Variants in FAM178B observed in about 807,000 individuals in gnomAD.
The protein encoded by FAM178B is protein FAM178B.
Under a neutral mutation model 91.7 loss-of-function variants are expected in FAM178B, and 82 were observed. That is an observed-to-expected ratio of 0.89 (90% CI 0.75 to 1.07). The LOEUF (loss-of-function observed/expected upper bound fraction) is 1.07, where lower values mean the gene tolerates loss of function less well. Ranked by LOEUF, FAM178B falls within the 50% of genes least tolerant of loss-of-function variation. The pLI is 0.00. For synonymous variants in FAM178B, 368 were observed against 359.4 expected, an observed-to-expected ratio of 1.02 and a Z score of -0.27; for missense variants, 769 against 846.7, an observed-to-expected ratio of 0.91 and a Z score of 1.14.
intron 6 of FAM178B, among the ~76,000 whole-genome samples, chr2:96,956,385 CG>C (rs1260941124): frequency 6.6e-6 from 1 of 152,146 alleles, no homozygotes; most frequent in East Asian, 1.9e-4. Flanking sequence ...GCAGGCTCCC[CG>C]GGAAGAGGGT....
At chr2:96,957,999 GTTCA>G (rs1445470094) in intron 6 of FAM178B, among the ~76,000 whole-genome samples, 1 of 151,166 alleles carries the variant, frequency 6.6e-6, no homozygotes, top group Non-Finnish European at 1.5e-5. Context: ...TAAAGTATTA[GTTCA>G]TTATTAACAT....
At chr2:96,876,379 G>A in intron 16 of FAM178B, 71 bp from the exon 17 acceptor site, 1 of 1,545,842 alleles carries the variant, frequency 6.5e-7, no homozygotes, top group Non-Finnish European at 8.7e-7. Context: ...CAGCTCCCCG[G>A]GCTGGCGGTG....
intron 1 of FAM178B, among the ~76,000 whole-genome samples, chr2:96,976,184 T>C (rs1300280454): frequency 1.3e-5 from 2 of 151,570 alleles, no homozygotes; most frequent in Admixed American, 6.6e-5. Flanking sequence ...AACCTCCTCC[T>C]CCCAGGTTCA....
At chr2:96,981,740 C>CAAAAAAAA (rs377081384) in intron 1 of FAM178B, among the ~76,000 whole-genome samples, 9 of 18,660 alleles carry the variant, frequency 4.8e-4, no homozygotes, top group African/African-American at 8.8e-4. Flanking sequence ...GACTCCGTCT[C>CAAAAAAAA]AAAAAAAAAA....
chr2:96,973,037 T>C (rs898620798), intron 1 of FAM178B, among the ~76,000 whole-genome samples: 8 of 151,512 alleles, frequency 5.3e-5, no homozygotes, highest in Non-Finnish European at 1.2e-4. Flanking sequence ...AACCCGTCTC[T>C]AGTAAAATAA....
At chr2:96,925,723 A>G (rs2153371282) in intron 9 of FAM178B, among the ~76,000 whole-genome samples, 1 of 152,196 alleles carries the variant, frequency 6.6e-6, no homozygotes, top group Admixed American at 6.5e-5. Flanking sequence ...TGTCTCGGAG[A>G]CACCGTTCAA....
chr2:96,914,881 G>A (rs1033199717), intron 12 of FAM178B, among the ~76,000 whole-genome samples: 2 of 151,914 alleles, frequency 1.3e-5, no homozygotes, highest in African/African-American at 4.8e-5. Flanking sequence ...AAGAGATTCT[G>A]TCAACAACAA....
rs182282796 is a variant in FAM178B at position 96,909,106 on chromosome 2, G to A, written c.1563-6399C>T. 2.3e-3 allele frequency among the ~76,000 whole-genome samples: 328 copies of A among 142,372 alleles called. 15 individuals are homozygous for A. In the East Asian group the frequency reaches 0.043, roughly 19 times the overall value. The allele number at this position is 142,372 out of a possible 152,430, so 93.4% of individuals were successfully genotyped here. ...TGCAGTGAGCCGACATCACGCCACC[G>A]CCCTCCAGCCTGGGCGACAGATCAA... is the stretch of plus-strand genomic sequence containing the variant. On this transcript the variant is annotated intron_variant, in intron 12 of 16. Coordinates refer to ENST00000490605, the MANE Select transcript of FAM178B (RefSeq NM_001122646.3).
At chr2:96,969,048 C>T (rs777115635) in intron 4 of FAM178B, among the ~76,000 whole-genome samples, 19 of 152,290 alleles carry the variant, frequency 1.2e-4, no homozygotes, top group African/African-American at 4.6e-4. Context: ...GAGCCTTTTC[C>T]GACTCCGGGT....
chr2:96,923,174 T>C (rs984159599), intron 10 of FAM178B, among the ~76,000 whole-genome samples: 31 of 152,090 alleles, frequency 2.0e-4, no homozygotes, highest in South Asian at 6.2e-4. Context: ...GGTTTCACCA[T>C]GTTGGTCAGG....
chr2:96,951,359 G>C lies in FAM178B; in HGVS notation c.993+20C>G, dbSNP rs1199673007. ...GACTGCAGCGCTCCCGCCACCTAGT[G>C]GCAGGCCTGCGGTCCTCACCTGGAA... On this transcript the variant is annotated intron_variant, in intron 7 of 16. Coordinates refer to ENST00000490605, the MANE Select transcript of FAM178B (RefSeq NM_001122646.3). The C allele has an allele frequency of 6.5e-7, 1 of 1,530,540 alleles. No individual in the cohort carries two copies. The highest frequency in any genetic ancestry group is 1.4e-5 in the African/African-American group (1 of 72,642). 94.8% of individuals were successfully genotyped at this position (1,530,540 alleles called of 1,614,324 possible). A position where few individuals can be genotyped will look rare whatever the true frequency, so the allele number is the denominator to read the frequency against.
At position 96,953,294 on chromosome 2, in the gene FAM178B, G is replaced by A. The variant is rs367930595; in HGVS notation, c.888-1810C>T. On this transcript the variant is annotated intron_variant, in intron 6 of 16. Transcript: ENST00000490605. ...CAAGAACATGCACAGCAGCCCGAAC[G>A]CAGACAATACCCATGTAAACAATGT... 3.1e-4 allele frequency among the ~76,000 whole-genome samples: 47 copies of A among 152,290 alleles called. No individual in the cohort carries two copies. In the South Asian group the frequency reaches 8.9e-3, roughly 29 times the overall value.
rs1257030044 is a variant in FAM178B, at chr2:96,960,398, C to G, written c.777G>C (p.Pro259=). Residue 259 remains proline (P), a synonymous_variant, in exon 6 of 17, where the codon CCG becomes CCC. Transcript: ENST00000490605. The stretch of plus-strand genomic sequence containing the variant: ...ACACAGTCTCACCTGGATGGACCGG[C>G]GGGATGGTCTGCAGGGACACTGAGT... ...EKYSVSLQTI[P]PVHPGETVFL... is the part of the protein sequence containing the mutation. 2 of 1,551,516 alleles carry G rather than the reference C, an allele frequency of 1.3e-6. No homozygotes were observed. The highest frequency in any genetic ancestry group is 1.7e-6 in the Non-Finnish European group (2 of 1,146,796).
At chr2:96,896,961 G>A (rs2080836393) in intron 13 of FAM178B, among the ~76,000 whole-genome samples, 1 of 152,156 alleles carries the variant, frequency 6.6e-6, no homozygotes. Flanking sequence ...CCACCTCCTG[G>A]GCTCAAGCAA....
intron 14 of FAM178B, among the ~76,000 whole-genome samples, chr2:96,887,689 G>A (rs537504551): frequency 3.3e-5 from 5 of 152,336 alleles, no homozygotes; most frequent in South Asian, 4.1e-4. Flanking sequence ...AGTTTCATAC[G>A]ATGTGACAGG....
At chr2:96,985,866 C>T (rs2082416690) in intron 1 of FAM178B, among the ~76,000 whole-genome samples, 1 of 152,222 alleles carries the variant, frequency 6.6e-6, no homozygotes, top group Non-Finnish European at 1.5e-5. Context: ...ACTCCACATC[C>T]ATCAAACCGG....
chr2:96,923,610 T>C lies in FAM178B; in HGVS notation c.1194-27A>G, dbSNP rs373009285. The stretch of plus-strand genomic sequence containing the variant: ...TGTGGTAAGACAACAACAGTGACGA[T>C]GGGAAACCCAGGAGGGGGCACAGGG... On this transcript the variant is annotated intron_variant, in intron 9 of 16. Coordinates refer to ENST00000490605, the MANE Select transcript of FAM178B (RefSeq NM_001122646.3). 347 of 1,538,878 alleles carry C rather than the reference T, an allele frequency of 2.3e-4. No individual in the cohort carries two copies. The African/African-American group carries it at 4.0e-3, about 18-fold the overall frequency.
chr2:96,885,941 C>T (rs2080508517), intron 14 of FAM178B, among the ~76,000 whole-genome samples: 1 of 150,440 alleles, frequency 6.6e-6, no homozygotes, highest in South Asian at 2.1e-4. Context: ...GGGTCACTGA[C>T]ACCAGCCAGG....
chr2:96,926,367 T>C (rs1276565133), intron 9 of FAM178B, among the ~76,000 whole-genome samples: 1 of 152,162 alleles, frequency 6.6e-6, no homozygotes, highest in African/African-American at 2.4e-5. Flanking sequence ...CTCCAGACTT[T>C]TGGTCTTCAG....
Sources: allele counts gnomAD v4.1 joint callset (sites outside exome capture counted in the v4.1 genomes callset), GRCh38; gene constraint gnomAD v4.1.1; transcripts MANE v1.5; gene names NCBI Gene and HGNC (gene_info 2026-07-23, HGNC 2026-07-21).